The following KCNMA1 variants were observed in gnomAD, a reference collection of about 807,000 sequenced individuals.
The protein encoded by KCNMA1 is Calcium-activated potassium channel subunit alpha-1.
Under a neutral mutation model 140.0 loss-of-function variants are expected in KCNMA1, and 29 were observed. That is an observed-to-expected ratio of 0.21 (90% confidence interval 0.15 to 0.28). The LOEUF is 0.28. Among genes scored for constraint, KCNMA1 ranks in the 10% least tolerant of loss-of-function variants. KCNMA1 has a pLI of 1.00. For synonymous variants in KCNMA1, 612 were observed against 611.9 expected (o/e 1.00, Z 0.00); for missense variants, 880 against 1,602.2 (o/e 0.55, Z 7.70).
intron 1 of KCNMA1, among the ~76,000 whole-genome samples, chr10:77,482,239 G>A (rs548892460): frequency 6.6e-6 from 1 of 152,374 alleles, no homozygotes; most frequent in East Asian, 1.9e-4. Context: ...GAGGCCAGAG[G>A]CCGAGGCTCC....
At chr10:77,238,227 A>G (rs866419) in intron 3 of KCNMA1, among the ~76,000 whole-genome samples, 52,296 of 151,928 alleles carry the variant, frequency 0.34, 9,400 homozygotes, top group East Asian at 0.57. Context: ...CTTCCTCTCC[A>G]ATGGAGGGTG....
intron 1 of KCNMA1, among the ~76,000 whole-genome samples, chr10:77,518,308 G>T (rs2051347207): frequency 6.6e-6 from 1 of 152,150 alleles, no homozygotes; most frequent in East Asian, 1.9e-4. Flanking sequence ...GGTCTCAAAG[G>T]AGAGAGGATG....
rs1164951756 is a variant in KCNMA1 at position 76,886,912 on chromosome 10, T to C, written c.*354A>G. On this transcript the variant is annotated 3_prime_UTR_variant, in exon 28 of 28. Coordinates refer to ENST00000286628, the MANE Select transcript of KCNMA1 (RefSeq NM_001161352.2). Reference sequence around the variant, plus strand: ...TGATAAATCAGAATCAACTTTTCTTTTACATTAAATAAACTTGCTCTGCCT... The same window carrying C: ...TGATAAATCAGAATCAACTTTTCTTCTACATTAAATAAACTTGCTCTGCCT... The C allele has an allele frequency of 8.8e-7, 1 of 1,133,388 alleles. No individual in the cohort carries two copies. Among genetic ancestry groups the C allele is most frequent in the African/African-American group, 1.6e-5 (1 of 62,094 alleles). The allele number at this position is 1,133,388 out of a possible 1,614,324, so 70.2% of individuals were successfully genotyped here. A position where few individuals can be genotyped will look rare whatever the true frequency, so the allele number is the denominator to read the frequency against.
intron 2 of KCNMA1, among the ~76,000 whole-genome samples, chr10:77,357,285 A>T (rs1368859043): frequency 6.6e-6 from 1 of 152,206 alleles, no homozygotes; most frequent in Non-Finnish European, 1.5e-5. Flanking sequence ...ATCCCTGAAG[A>T]TACATGCAGT....
chr10:77,027,854 T>C lies in KCNMA1; in HGVS notation c.1897A>G (p.Ile633Val). The change falls in exon 16 of 28, where the codon ATT becomes GTT. Residue 633 changes from isoleucine to valine, a missense_variant. Ile to Val is a conservative substitution (Grantham distance 29). Transcript: ENST00000286628. ...TCTCGGTTGGCAGACTTGTACTCAA[T>C]GGCTATCATTAGGAGCTTGAGCTTC... ...FVKLKLLMIA[I>V]EYKSANRESR... 1 of 1,613,964 alleles carries C rather than the reference T, an allele frequency of 6.2e-7. No individual in the cohort carries two copies. The highest frequency in any genetic ancestry group is 8.5e-7 in the Non-Finnish European group (1 of 1,179,906).
intron 21 of KCNMA1, among the ~76,000 whole-genome samples, chr10:76,950,009 A>C (rs2065660077): frequency 6.6e-6 from 1 of 152,196 alleles, no homozygotes; most frequent in Non-Finnish European, 1.5e-5. Context: ...GGTTGAAAAA[A>C]AATCAAAAGA....
chr10:76,947,533 A>G (rs2064494205), intron 22 of KCNMA1, among the ~76,000 whole-genome samples: 1 of 152,210 alleles, frequency 6.6e-6, no homozygotes, highest in Non-Finnish European at 1.5e-5. Context: ...AGGTCAGGGG[A>G]CTATGTGGAG....
At chr10:77,013,457 C>T (rs2091328483) in intron 17 of KCNMA1, among the ~76,000 whole-genome samples, 1 of 152,154 alleles carries the variant, frequency 6.6e-6, no homozygotes, top group South Asian at 2.1e-4. Flanking sequence ...GAAATCCTAG[C>T]TGACTGTTGA....
At chr10:77,243,420 A>G (rs2057781253) in intron 3 of KCNMA1, among the ~76,000 whole-genome samples, 1 of 152,212 alleles carries the variant, frequency 6.6e-6, no homozygotes, top group African/African-American at 2.4e-5. Context: ...GGCTTGTTGT[A>G]GAGGACAGAA....
intron 2 of KCNMA1, among the ~76,000 whole-genome samples, chr10:77,389,005 T>C (rs879465222): frequency 4.6e-4 from 70 of 152,214 alleles, no homozygotes; most frequent in African/African-American, 1.6e-3. Flanking sequence ...GGAATAGTGA[T>C]GTTTTCTAAT....
intron 2 of KCNMA1, among the ~76,000 whole-genome samples, chr10:77,257,567 C>T (rs976529967): frequency 9.2e-5 from 14 of 152,150 alleles, no homozygotes; most frequent in Non-Finnish European, 2.1e-4. Context: ...CATTCCAAGT[C>T]CACCTGGCTG....
chr10:76,903,945 C>T (rs900443123), intron 25 of KCNMA1: 1 of 152,076 alleles, frequency 6.6e-6, no homozygotes, highest in African/African-American at 2.4e-5. Context: ...ACTAAGCTCC[C>T]AAATATTATC....
At chr10:77,118,718 G>C (rs2097534918) in intron 6 of KCNMA1, among the ~76,000 whole-genome samples, 1 of 152,166 alleles carries the variant, frequency 6.6e-6, no homozygotes, top group African/African-American at 2.4e-5. Flanking sequence ...TGCAACTCAG[G>C]CTAAGCCCAG....
At chr10:77,623,761 A>T (rs1423617889) in intron 1 of KCNMA1, among the ~76,000 whole-genome samples, 1 of 152,156 alleles carries the variant, frequency 6.6e-6, no homozygotes, top group African/African-American at 2.4e-5. Flanking sequence ...GAAAAGAGTT[A>T]AACTATAGTA....
At chr10:77,071,780 G>T (rs1008378402) in intron 14 of KCNMA1, 1 of 152,192 alleles carries the variant, frequency 6.6e-6, no homozygotes, top group Non-Finnish European at 1.5e-5. Flanking sequence ...TGTTGCTAAA[G>T]TGATTGAAGG....
At chr10:76,951,082 C>T (rs188633967) in intron 21 of KCNMA1, among the ~76,000 whole-genome samples, 65 of 152,240 alleles carry the variant, frequency 4.3e-4, no homozygotes, top group Middle Eastern at 3.4e-3. Context: ...TAGCTCCCTT[C>T]AACAAGCCAG....
intron 25 of KCNMA1, among the ~76,000 whole-genome samples, chr10:76,893,297 T>A (rs2041019525): frequency 6.6e-6 from 1 of 152,178 alleles, no homozygotes; most frequent in African/African-American, 2.4e-5. Context: ...ATCAGAGACA[T>A]GAGGCCTTTG....
chr10:77,103,893 G>A (rs574878264), intron 9 of KCNMA1, among the ~76,000 whole-genome samples: 2 of 152,292 alleles, frequency 1.3e-5, no homozygotes, highest in South Asian at 2.1e-4. Flanking sequence ...TCTCCATCAT[G>A]AGCACGGTAC....
chr10:77,609,762 A>T (rs80090501), intron 1 of KCNMA1, among the ~76,000 whole-genome samples: 4,116 of 152,228 alleles, frequency 0.027, 105 homozygotes, highest in Non-Finnish European at 0.043. Flanking sequence ...TAAAAAAAAA[A>T]ATACAGCCAA....
Sources: gnomAD v4.1 joint callset for allele counts (sites outside exome capture counted in the v4.1 genomes callset) on GRCh38, gnomAD v4.1.1 for gene constraint, MANE v1.5 for transcripts, NCBI Gene and HGNC (gene_info 2026-07-23, HGNC 2026-07-21) for gene names.